The following SEPTIN9 variants were observed in gnomAD, a reference collection of about 807,000 sequenced individuals.
The protein encoded by SEPTIN9 is septin-9.
A neutral mutation model predicts 56.6 loss-of-function variants in SEPTIN9; 13 were observed. The observed-to-expected ratio is 0.23, with a 90% CI of 0.15 to 0.37. SEPTIN9 has a LOEUF of 0.37. Among genes scored for constraint, SEPTIN9 ranks in the 10% least tolerant of loss-of-function variants. The pLI is 1.00. For missense variants in SEPTIN9, 650 were observed against 823.1 expected (o/e 0.79, Z 2.57); for synonymous variants, 332 against 334.1 (o/e 0.99, Z 0.07).
rs187805181 is a variant in SEPTIN9 at position 77,401,199 on chromosome 17, C to T, written c.77-860C>T. 6.6e-5 allele frequency among the ~76,000 whole-genome samples: 10 copies of T among 152,296 alleles called. No individual in the cohort carries two copies. The East Asian group carries it at 1.3e-3, about 21-fold the overall frequency. On this transcript the variant is annotated intron_variant, in intron 2 of 11. Transcript: ENST00000427177. Reference sequence around the variant, plus strand: ...TGGGGGTACTGGTATTCTTTACATCCCAGGGTTAAGCGGCTGCAGATGTGA... The same window carrying T: ...TGGGGGTACTGGTATTCTTTACATCTCAGGGTTAAGCGGCTGCAGATGTGA...
Position 77,408,567 on chromosome 17 carries a change from G to A in SEPTIN9, c.721+5864G>A, listed in dbSNP as rs372162871. Among the ~76,000 whole-genome samples, 10 of 151,854 alleles carry A rather than the reference G, an allele frequency of 6.6e-5. No individual in the cohort carries two copies. In the South Asian group the frequency reaches 1.0e-3, roughly 16 times the overall value. ...CAGACAGCAGGGCTGCCAGTACAGC[G>A]TTGAGTATAGGGTTAATCAAAGCAC... On this transcript the variant is annotated intron_variant, in intron 3 of 11. Coordinates refer to ENST00000427177, the MANE Select transcript of SEPTIN9 (RefSeq NM_001113491.2).
chr17:77,459,138 C>A (rs1283043308), intron 3 of SEPTIN9, among the ~76,000 whole-genome samples: 2 of 152,264 alleles, frequency 1.3e-5, no homozygotes, highest in Non-Finnish European at 1.5e-5. Flanking sequence ...CCACTACCAC[C>A]TGGCACCCCT....
Position 77,402,075 on chromosome 17 carries a change from TGAGGTCGAG to T in SEPTIN9, c.103_111del (p.Glu35_Glu37del). On this transcript the variant is annotated inframe_deletion, in exon 3 of 12. Coordinates refer to ENST00000427177, the MANE Select transcript of SEPTIN9 (RefSeq NM_001113491.2). The surrounding 1 kb of genome is among the most constrained non-coding windows in gnomAD (Gnocchi z 6.6). ...ATTTTTCAGCCTTGAAAAGATCTTT[TGAGGTCGAG>T]GAGGTCGAGACACCCAACTCCACCC... 1 of 1,612,804 alleles carries T rather than the reference TGAGGTCGAG, an allele frequency of 6.2e-7. No homozygotes were observed. The highest frequency in any genetic ancestry group is 2.2e-5 in the East Asian group (1 of 44,846).
chr17:77,345,897 A>C (rs991154162), intron 2 of SEPTIN9, among the ~76,000 whole-genome samples: 1 of 151,946 alleles, frequency 6.6e-6, no homozygotes, highest in Non-Finnish European at 1.5e-5. Flanking sequence ...TACATGGGTA[A>C]CTGGCATATT....
chr17:77,484,436 ATGGTGGTGATGGTGGTGGTGGTGATTG>A (rs1568110885), intron 4 of SEPTIN9, among the ~76,000 whole-genome samples: 1 of 28,898 alleles, frequency 3.5e-5, no homozygotes, highest in African/African-American at 4.3e-4. Flanking sequence ...GGTGATGGTG[ATGGTGGTGATGGTGGTGGTGGTGATTG>A]TGGTGGTGGT....
intron 3 of SEPTIN9, among the ~76,000 whole-genome samples, chr17:77,430,204 G>T (rs914370028): frequency 1.3e-5 from 2 of 151,942 alleles, no homozygotes; most frequent in African/African-American, 4.8e-5. Flanking sequence ...CCCTCCCCCC[G>T]CCAGCTCCAT....
intron 2 of SEPTIN9, among the ~76,000 whole-genome samples, chr17:77,365,366 TTTTC>T (rs1409746070): frequency 5.3e-5 from 8 of 152,106 alleles, no homozygotes; most frequent in Admixed American, 5.2e-4. Flanking sequence ...TTCCCTTCCT[TTTTC>T]TTTCCTTCCT....
intron 2 of SEPTIN9, among the ~76,000 whole-genome samples, chr17:77,394,749 G>A (rs1381603382): frequency 1.3e-5 from 2 of 152,206 alleles, no homozygotes; most frequent in African/African-American, 4.8e-5. Context: ...AGCTGGGAGC[G>A]GTTTGCCAGG....
chr17:77,450,832 C>A lies in SEPTIN9; in HGVS notation c.722-31312C>A. The A allele has an allele frequency of 1.0e-6, 1 of 983,554 alleles. No individual in the cohort carries two copies. Among genetic ancestry groups the A allele is most frequent in the Non-Finnish European group, 1.2e-6 (1 of 828,132 alleles). 60.9% of individuals were successfully genotyped at this position (983,554 alleles called of 1,614,324 possible). ...CTGCCCCTCCTCTCCTGCTCCTTCT[C>A]CCTTCCATGGTCCCAGCCAGCAAGC... On this transcript the variant is annotated intron_variant, in intron 3 of 11. Coordinates refer to ENST00000427177, the MANE Select transcript of SEPTIN9 (RefSeq NM_001113491.2). The surrounding 1 kb of genome is among the most constrained non-coding windows in gnomAD (Gnocchi z 6.0).
chr17:77,413,087 C>T (rs992757168), intron 3 of SEPTIN9, among the ~76,000 whole-genome samples: 10 of 144,024 alleles, frequency 6.9e-5, no homozygotes, highest in East Asian at 2.1e-4. Flanking sequence ...GCGGGTGGGG[C>T]GTGTGTGTGT....
intron 3 of SEPTIN9, among the ~76,000 whole-genome samples, chr17:77,414,526 C>G (rs943119849): frequency 2.0e-5 from 3 of 150,546 alleles, no homozygotes; most frequent in Non-Finnish European, 4.4e-5. Context: ...CTTTAGCTAT[C>G]AATCCTGCCC....
In SEPTIN9 at chr17:77,499,590, T is replaced by G. The variant is rs1381637606; in HGVS notation, c.*932T>G. 2 of 441,204 alleles carry G rather than the reference T, an allele frequency of 4.5e-6. No homozygotes were observed. The highest frequency in any genetic ancestry group is 8.6e-6 in the Non-Finnish European group (2 of 231,462). 27.3% of individuals were successfully genotyped at this position (441,204 alleles called of 1,614,324 possible). A position where few individuals can be genotyped will look rare whatever the true frequency, so the allele number is the denominator to read the frequency against. On this transcript the variant is annotated 3_prime_UTR_variant, in exon 12 of 12. Transcript: ENST00000427177. ...GGCACGTGTGGGCCGTGGCTTGGGC[T>G]GGTCAGAGTGGCGTGAGCTGCCCGG...
intron 3 of SEPTIN9, among the ~76,000 whole-genome samples, chr17:77,403,970 TTC>T (rs1204670828): frequency 2.6e-5 from 4 of 152,126 alleles, no homozygotes; most frequent in African/African-American, 9.7e-5. Flanking sequence ...CCATTCTATT[TTC>T]TGTCTTTATT....
intron 3 of SEPTIN9, among the ~76,000 whole-genome samples, chr17:77,458,259 G>T (rs1312237023): frequency 1.3e-5 from 2 of 152,216 alleles, no homozygotes; most frequent in East Asian, 3.8e-4. Context: ...GTGGGAAGGT[G>T]TCCCGGGTGG....
intron 3 of SEPTIN9, among the ~76,000 whole-genome samples, chr17:77,457,729 G>A (rs940751576): frequency 5.9e-5 from 9 of 152,230 alleles, no homozygotes; most frequent in African/African-American, 1.9e-4. Context: ...AGGTCTGGCC[G>A]ATTTGGCAGT....
chr17:77,492,719 G>A lies in SEPTIN9; in HGVS notation c.1476+3G>A. 6.2e-7 allele frequency: 1 copy of A among 1,613,264 alleles called. No homozygotes were observed. The highest frequency in any genetic ancestry group is 8.5e-7 in the Non-Finnish European group (1 of 1,179,270). On this transcript the variant is annotated splice_donor_region_variant and intron_variant, in intron 9 of 11. Coordinates refer to ENST00000427177, the MANE Select transcript of SEPTIN9 (RefSeq NM_001113491.2). This position sits in a 1 kb window ranked among gnomAD's most constrained non-coding sequence, Gnocchi z 5.4. Reference sequence around the variant, plus strand: ...GGCTGGTGAACGAGAAGTTCCGGGTGAGTGGATCCACTAGGATGTTGTTCC... The same window carrying A: ...GGCTGGTGAACGAGAAGTTCCGGGTAAGTGGATCCACTAGGATGTTGTTCC...
rs2039159873 is a variant in SEPTIN9 at position 77,475,236 on chromosome 17, A to G, written c.722-6908A>G. On this transcript the variant is annotated intron_variant, in intron 3 of 11. Coordinates refer to ENST00000427177, the MANE Select transcript of SEPTIN9 (RefSeq NM_001113491.2). This position sits in a 1 kb window ranked among gnomAD's most constrained non-coding sequence, Gnocchi z 4.6. Reference sequence around the variant, plus strand: ...GTGGTGAGAGGAAACCGCACACATCATTATTCAGTTACCATCGTGGGGAGA... The same window carrying G: ...GTGGTGAGAGGAAACCGCACACATCGTTATTCAGTTACCATCGTGGGGAGA... 9.8e-6 allele frequency: 13 copies of G among 1,332,738 alleles called. No individual in the cohort carries two copies. The highest frequency in any genetic ancestry group is 3.6e-5 in the South Asian group (2 of 55,360). 82.6% of individuals were successfully genotyped at this position (1,332,738 alleles called of 1,614,324 possible).
intron 3 of SEPTIN9, among the ~76,000 whole-genome samples, chr17:77,462,660 T>C (rs558166314): frequency 8.6e-5 from 13 of 151,656 alleles, no homozygotes; most frequent in African/African-American, 3.1e-4. Flanking sequence ...TTTTTTTGTT[T>C]ATTTCTTTTG....
At position 77,319,357 on chromosome 17, in the gene SEPTIN9, C is replaced by T. The variant is rs532160572; in HGVS notation, c.76+12160C>T. Among the ~76,000 whole-genome samples, 1 of 152,372 alleles carries T rather than the reference C, an allele frequency of 6.6e-6. No individual in the cohort carries two copies. Among genetic ancestry groups the T allele is most frequent in the South Asian group, 2.1e-4 (1 of 4,830 alleles). On this transcript the variant is annotated intron_variant, in intron 2 of 11. Transcript: ENST00000427177. This position sits in a 1 kb window ranked among gnomAD's most constrained non-coding sequence, Gnocchi z 5.3. ...AGGACCCCGGATGAACAGTGGGGAA[C>T]AGCACTGATCCCCCAGTGGGGCCCC...
Sources: gnomAD v4.1 joint callset for allele counts (sites outside exome capture counted in the v4.1 genomes callset) on GRCh38, gnomAD v4.1.1 for gene constraint, Gnocchi (gnomAD v3.1) non-coding constraint, MANE v1.5 for transcripts, NCBI Gene and HGNC (gene_info 2026-07-23, HGNC 2026-07-21) for gene names.